CNTN5: variants seen among roughly 807,000 people sequenced by gnomAD.
CNTN5 encodes contactin 5, also known as contactin-5.
CNTN5 carries 77 observed loss-of-function variants against 129.1 expected under a neutral mutation model. The observed-to-expected ratio is 0.60, with a 90% confidence interval of 0.50 to 0.72. The LOEUF (loss-of-function observed/expected upper bound fraction) is 0.72, where lower values mean the gene tolerates loss of function less well. Among genes scored for constraint, CNTN5 ranks in the 30% least tolerant of loss-of-function variants. CNTN5 has a pLI of 0.00. For synonymous variants in CNTN5, 509 were observed against 465.6 expected, an observed-to-expected ratio of 1.09 and a Z score of -1.20; for missense variants, 1,478 against 1,328.8, an observed-to-expected ratio of 1.11 and a Z score of -1.75.
At chr11:100,040,880 C>A (rs921984962) in intron 9 of CNTN5, among the ~76,000 whole-genome samples, 3 of 152,176 alleles carry the variant, frequency 2.0e-5, no homozygotes, top group African/African-American at 7.2e-5. Flanking sequence ...TCTGTCACCC[C>A]TTTCTTTGAC....
intron 3 of CNTN5, among the ~76,000 whole-genome samples, chr11:99,633,457 C>A (rs1951438336): frequency 6.6e-6 from 1 of 152,272 alleles, no homozygotes; most frequent in East Asian, 1.9e-4. Flanking sequence ...TGCCCAGTAT[C>A]ATTGGATATT....
chr11:100,163,372 C>T (rs1339176455), intron 13 of CNTN5, among the ~76,000 whole-genome samples: 1 of 151,638 alleles, frequency 6.6e-6, no homozygotes, highest in Non-Finnish European at 1.5e-5. Flanking sequence ...AGAGCATTCT[C>T]ACTGTAATGT....
chr11:99,870,960 G>T (rs1948489557), intron 6 of CNTN5, among the ~76,000 whole-genome samples: 1 of 152,022 alleles, frequency 6.6e-6, no homozygotes, highest in African/African-American at 2.4e-5. Context: ...TATTTCTTGG[G>T]AGGCGTGACC....
chr11:99,568,227 T>G (rs4754632), intron 3 of CNTN5, among the ~76,000 whole-genome samples: 8,891 of 152,226 alleles, frequency 0.058, 548 homozygotes, highest in East Asian at 0.28. Flanking sequence ...GGACTAACCC[T>G]TTCTGGCAAG....
At chr11:99,675,319 C>T (rs1338073850) in intron 3 of CNTN5, among the ~76,000 whole-genome samples, 3 of 152,020 alleles carry the variant, frequency 2.0e-5, no homozygotes, top group Non-Finnish European at 4.4e-5. Flanking sequence ...TAAATCCCAG[C>T]ACTAAAGAAG....
At chr11:99,729,452 C>T (rs1409845360) in intron 3 of CNTN5, among the ~76,000 whole-genome samples, 2 of 152,110 alleles carry the variant, frequency 1.3e-5, no homozygotes, top group African/African-American at 2.4e-5. Flanking sequence ...CTCCTCCCAT[C>T]CTGCACCCTC....
chr11:99,266,323 T>A (rs1221916757), intron 1 of CNTN5, among the ~76,000 whole-genome samples: 1 of 152,112 alleles, frequency 6.6e-6, no homozygotes, highest in Non-Finnish European at 1.5e-5. Flanking sequence ...GACAGGCCAG[T>A]TACAGTGGCT....
intron 1 of CNTN5, among the ~76,000 whole-genome samples, chr11:99,125,045 A>G (rs1477217277): frequency 9.2e-5 from 14 of 152,090 alleles, no homozygotes; most frequent in Admixed American, 9.2e-4. Context: ...TATAAAAAAA[A>G]GCTGGTACCA....
chr11:99,569,385 C>T (rs1949107012), intron 3 of CNTN5, among the ~76,000 whole-genome samples: 1 of 152,106 alleles, frequency 6.6e-6, no homozygotes, highest in South Asian at 2.1e-4. Context: ...GCAATGTGGC[C>T]TCACTGCAAG....
At chr11:99,213,374 G>GTATATACATATATACACGTGTGTATATA (rs1859927314) in intron 1 of CNTN5, among the ~76,000 whole-genome samples, 2 of 103,542 alleles carry the variant, frequency 1.9e-5, no homozygotes, top group Admixed American at 1.0e-4. Flanking sequence ...ATGTATATAT[G>GTATATACATATATACACGTGTGTATATA]TATATACATA....
chr11:99,092,680 T>C (rs1171585447), intron 1 of CNTN5, among the ~76,000 whole-genome samples: 1 of 152,066 alleles, frequency 6.6e-6, no homozygotes, highest in Non-Finnish European at 1.5e-5. Flanking sequence ...GATACTTATG[T>C]ACATCTACAA....
At chr11:99,359,638 T>C (rs924716580) in intron 2 of CNTN5, among the ~76,000 whole-genome samples, 151 of 150,130 alleles carry the variant, frequency 1.0e-3, no homozygotes, top group African/African-American at 3.4e-3. Flanking sequence ...TATAAATATA[T>C]TTATTCCACC....
intron 2 of CNTN5, among the ~76,000 whole-genome samples, chr11:99,362,505 T>A (rs1939181381): frequency 6.6e-6 from 1 of 152,046 alleles, no homozygotes; most frequent in African/African-American, 2.4e-5. Flanking sequence ...TTTATCTATT[T>A]TTTTTAGTTG....
At chr11:99,845,314 A>T in intron 6 of CNTN5, 52 bp downstream of exon 6, 1 of 967,228 alleles carries the variant, frequency 1.0e-6, no homozygotes, top group Non-Finnish European at 1.4e-6. Context: ...GTGTATATAC[A>T]GTATGGATTT....
chr11:99,213,031 A>G (rs1006799251), intron 1 of CNTN5, among the ~76,000 whole-genome samples: 3 of 151,616 alleles, frequency 2.0e-5, no homozygotes, highest in African/African-American at 7.3e-5. Flanking sequence ...CTCTACTAAG[A>G]ATACAAAAAA....
intron 3 of CNTN5, among the ~76,000 whole-genome samples, chr11:99,712,891 A>G (rs1255167397): frequency 6.6e-6 from 1 of 152,038 alleles, no homozygotes; most frequent in Non-Finnish European, 1.5e-5. Context: ...GCCTTGTAGT[A>G]TAGTTTGAAG....
chr11:99,379,892 G>A (rs936399185), intron 2 of CNTN5, among the ~76,000 whole-genome samples: 3 of 151,776 alleles, frequency 2.0e-5, no homozygotes, highest in African/African-American at 7.3e-5. Flanking sequence ...ATACATATGT[G>A]CCATATAAAG....
chr11:99,597,468 T>C (rs1380624592), intron 3 of CNTN5, among the ~76,000 whole-genome samples: 1 of 151,718 alleles, frequency 6.6e-6, no homozygotes, highest in East Asian at 1.9e-4. Context: ...CAAAGAGTAG[T>C]GAGGGGAGCT....
intron 16 of CNTN5, among the ~76,000 whole-genome samples, chr11:100,251,635 T>G (rs1181728075): frequency 2.0e-5 from 3 of 152,170 alleles, no homozygotes; most frequent in African/African-American, 7.2e-5. Context: ...GAGATCCTTT[T>G]TTTTAGCTTT....
Sources: allele counts gnomAD v4.1 joint callset (sites outside exome capture counted in the v4.1 genomes callset), GRCh38; gene constraint gnomAD v4.1.1; transcripts MANE v1.5; gene names NCBI Gene and HGNC (gene_info 2026-07-23, HGNC 2026-07-21).